The following DCX variants were observed in gnomAD, a reference collection of about 807,000 sequenced individuals.
DCX encodes doublecortin.
A neutral mutation model predicts 20.9 loss-of-function variants in DCX; 4 were observed. That is an observed-to-expected ratio of 0.19 (90% CI 0.09 to 0.44). The LOEUF (loss-of-function observed/expected upper bound fraction) is 0.44, where lower values mean the gene tolerates loss of function less well. DCX is among the 20% of genes least tolerant of loss of function. The probability of loss-of-function intolerance (pLI) is 0.99; values close to 1 mark genes in which losing one functional copy is unlikely to be tolerated. For missense variants in DCX, 133 were observed against 296.9 expected (o/e 0.45, Z 4.06); for synonymous variants, 103 against 111.4 (o/e 0.92, Z 0.47).
intron 3 of DCX, among the ~76,000 whole-genome samples, chrX:111,337,298 C>T (rs1400093424): frequency 9.0e-6 from 1 of 111,037 alleles, no homozygotes; most frequent in Admixed American, 9.6e-5. Flanking sequence ...GGCATGACAC[C>T]TACCATTATA....
intron 1 of DCX, among the ~76,000 whole-genome samples, chrX:111,411,395 GA>G (rs1928707967): frequency 9.1e-6 from 1 of 109,572 alleles, no homozygotes; most frequent in Non-Finnish European, 1.9e-5. Flanking sequence ...TACCTTAATT[GA>G]AGTGACATTT....
chrX:111,318,197 A>C (rs1240054972), intron 5 of DCX, among the ~76,000 whole-genome samples: 5 of 105,176 alleles, frequency 4.8e-5, no homozygotes, highest in Admixed American at 1.0e-4. Context: ...AAAAAAAAAA[A>C]AAAAAAAGTA....
intron 1 of DCX, chrX:111,411,239 T>TC (rs1028648580): frequency 4.8e-5 from 16 of 333,653 alleles, no homozygotes; most frequent in Non-Finnish European, 7.4e-5. Context: ...TCCTTTTTTT[T>TC]CCCCCCCAGG....
In DCX at chrX:111,296,245, A is replaced by G. The variant is rs764283629; in HGVS notation, c.*5442T>C. On this transcript the variant is annotated 3_prime_UTR_variant, in exon 7 of 7. Transcript: ENST00000636035. Reference sequence around the variant, plus strand: ...CAGGTTATTGACCTAGTAATGAGAAACGCTAATGCCTTCAAGTCTTTGCCT... The same window carrying G: ...CAGGTTATTGACCTAGTAATGAGAAGCGCTAATGCCTTCAAGTCTTTGCCT... 8.9e-6 allele frequency: 1 copy of G among 111,831 alleles called. No individual in the cohort carries two copies. Among genetic ancestry groups the G allele is most frequent in the African/African-American group, 3.2e-5 (1 of 30,786 alleles). The allele number at this position is 111,831 out of a possible 1,213,427, so 9.2% of individuals were successfully genotyped here.
intron 3 of DCX, among the ~76,000 whole-genome samples, chrX:111,343,089 G>A (rs1196955871): frequency 9.6e-6 from 1 of 104,157 alleles, no homozygotes; most frequent in Non-Finnish European, 2.0e-5. Flanking sequence ...AAGGAGATAA[G>A]CACACAAACT....
intron 5 of DCX, among the ~76,000 whole-genome samples, chrX:111,316,596 T>A (rs1447050241): frequency 9.0e-6 from 1 of 111,385 alleles, no homozygotes; most frequent in Admixed American, 9.6e-5. Flanking sequence ...TCAAGACAAG[T>A]AAATAAAAGG....
intron 3 of DCX, among the ~76,000 whole-genome samples, chrX:111,363,622 A>G (rs1387063829): frequency 9.0e-6 from 1 of 110,780 alleles, no homozygotes; most frequent in Non-Finnish European, 1.9e-5. Context: ...GGCATGTCCT[A>G]CAAACCTCCT....
At chrX:111,408,979 G>T (rs770330077) in intron 2 of DCX, among the ~76,000 whole-genome samples, 1 of 111,321 alleles carries the variant, frequency 9.0e-6, no homozygotes, top group South Asian at 3.9e-4. Flanking sequence ...CTAGAGATCT[G>T]CCTGCTTTAA....
intron 2 of DCX, among the ~76,000 whole-genome samples, chrX:111,402,903 G>A (rs1927923937): frequency 9.2e-6 from 1 of 109,158 alleles, no homozygotes; most frequent in Non-Finnish European, 1.9e-5. Context: ...TATCTTGACA[G>A]GGGGACAAAG....
chrX:111,393,862 A>T (rs906537170), intron 3 of DCX, among the ~76,000 whole-genome samples: 3 of 111,489 alleles, frequency 2.7e-5, no homozygotes, highest in Admixed American at 9.5e-5. Context: ...GTTGGTGAGG[A>T]TGTGAAGAAA....
At chrX:111,343,961 G>A (rs1034870081) in intron 3 of DCX, among the ~76,000 whole-genome samples, 1 of 110,857 alleles carries the variant, frequency 9.0e-6, no homozygotes, top group Admixed American at 9.6e-5. Context: ...CAACCTGGGC[G>A]ACAGAACGAG....
chrX:111,397,364 G>T (rs1335656435), intron 3 of DCX, among the ~76,000 whole-genome samples: 1 of 111,575 alleles, frequency 9.0e-6, no homozygotes, highest in Non-Finnish European at 1.9e-5. Flanking sequence ...CCAAAAACAT[G>T]CATTGGAATC....
intron 3 of DCX, among the ~76,000 whole-genome samples, chrX:111,385,088 G>C (rs1466026961): frequency 8.9e-6 from 1 of 112,554 alleles, no homozygotes; most frequent in Non-Finnish European, 1.9e-5. Flanking sequence ...TTGAACTCCA[G>C]ATTGAAACAT....
chrX:111,410,471 G>T, intron 1 of DCX, 51 bp from the exon 2 acceptor site: 1 of 1,189,155 alleles, frequency 8.4e-7, no homozygotes, highest in Non-Finnish European at 1.1e-6. Flanking sequence ...AACAAAAAGG[G>T]ACAAGGAGAA....
chrX:111,382,913 A>G (rs1926096379), intron 3 of DCX, among the ~76,000 whole-genome samples: 1 of 111,307 alleles, frequency 9.0e-6, no homozygotes, highest in African/African-American at 3.3e-5. Context: ...ACTCAACAAT[A>G]TGGAGCTAAA....
At chrX:111,332,815 G>A (rs765681991) in intron 4 of DCX, among the ~76,000 whole-genome samples, 1 of 111,554 alleles carries the variant, frequency 9.0e-6, no homozygotes, top group African/African-American at 3.3e-5. Context: ...GGTCACTATT[G>A]GGGCAGATAG....
intron 2 of DCX, among the ~76,000 whole-genome samples, chrX:111,406,188 C>T (rs1431690700): frequency 1.8e-5 from 2 of 111,915 alleles, no homozygotes; most frequent in East Asian, 5.6e-4. Flanking sequence ...TCATAAAAGT[C>T]ATGTGAGGAG....
chrX:111,394,052 G>A (rs1029784921), intron 3 of DCX, among the ~76,000 whole-genome samples: 4 of 112,060 alleles, frequency 3.6e-5, no homozygotes, highest in Non-Finnish European at 7.5e-5. Flanking sequence ...AAGGTTCATA[G>A]TAGCATTATC....
intron 6 of DCX, among the ~76,000 whole-genome samples, chrX:111,307,831 C>T (rs922791555): frequency 1.8e-4 from 20 of 111,357 alleles, no homozygotes; most frequent in African/African-American, 6.2e-4. Flanking sequence ...AGTGGAGTTG[C>T]TTGGTTGGTG....
Sources: gnomAD v4.1 joint callset for allele counts (sites outside exome capture counted in the v4.1 genomes callset) on GRCh38, gnomAD v4.1.1 for gene constraint, MANE v1.5 for transcripts, NCBI Gene and HGNC (gene_info 2026-07-23, HGNC 2026-07-21) for gene names.